The following NCOA4 variants were observed in gnomAD, a reference collection of about 807,000 sequenced individuals.
The protein encoded by NCOA4 is 70 kDa AR-activator.
NCOA4 carries 31 observed loss-of-function variants against 69.5 expected under a neutral mutation model. The ratio of observed to expected loss-of-function variants is 0.45; its 90% CI spans 0.34 to 0.60. The LOEUF (loss-of-function observed/expected upper bound fraction) is 0.60. Among genes scored for constraint, NCOA4 ranks in the 20% least tolerant of loss-of-function variants. The pLI is 0.02. For synonymous variants in NCOA4, 228 were observed against 252.4 expected (o/e 0.90, Z 0.92); for missense variants, 600 against 719.2 (o/e 0.83, Z 1.90).
intron 1 of NCOA4, chr10:46,022,609 C>G (rs1489829597): frequency 2.9e-6 from 1 of 339,756 alleles, no homozygotes; most frequent in Non-Finnish European, 6.1e-6. Flanking sequence ...TGACTACAGG[C>G]GCCCGCCGCC....
chr10:46,013,532 A>ATG lies in NCOA4; in HGVS notation c.570+17_570+18insCA, dbSNP rs781996501. ...GCCAAGTAATGACTCAATTACCAAA[A>ATG]ACAAAATGATATTTTACCTGCTCTG... is the stretch of plus-strand genomic sequence containing the variant. On this transcript the variant is annotated intron_variant, in intron 6 of 9. Transcript: ENST00000581486. The ATG allele has an allele frequency of 1.9e-6, 3 of 1,577,456 alleles. No homozygotes were observed. Among genetic ancestry groups the ATG allele is most frequent in the African/African-American group, 2.7e-5 (2 of 73,852 alleles).
chr10:46,006,440 G>T lies in NCOA4; in HGVS notation c.*152C>A. The T allele has an allele frequency of 3.8e-6, 3 of 796,522 alleles. No homozygotes were observed. The highest frequency in any genetic ancestry group is 1.4e-5 in the South Asian group (1 of 69,668). The allele number at this position is 796,522 out of a possible 1,614,324, so 49.3% of individuals were successfully genotyped here. A position where few individuals can be genotyped will look rare whatever the true frequency, so the allele number is the denominator to read the frequency against. On this transcript the variant is annotated 3_prime_UTR_variant, in exon 10 of 10. Transcript: ENST00000581486. ...TTTAAACAGTAACTCATAATCTGAT[G>T]ACTCACTTTGCTTTACTAGTTCAAA...
At position 46,010,460 on chromosome 10, in the gene NCOA4, T is replaced by G. The variant is rs781891135; in HGVS notation, c.1461A>C (p.Gln487His). 2 of 1,614,120 alleles carry G rather than the reference T, an allele frequency of 1.2e-6. No homozygotes were observed. The highest frequency in any genetic ancestry group is 1.7e-6 in the Non-Finnish European group (2 of 1,180,054). The part of the protein sequence containing the change: ...MTPSRIADSF[Q>H]VIKNSPLSEW... ...CCGACAAGGGGCTGTTCTTTATGACTTGGAAGGAATCAGCAATTCTAGAAG... is the reference window on the plus strand; with the variant it reads ...CCGACAAGGGGCTGTTCTTTATGACGTGGAAGGAATCAGCAATTCTAGAAG... Residue 487 changes from glutamine to histidine, a missense_variant, in exon 8 of 10, where the codon CAA becomes CAC. Physicochemically the swap from Gln to His is conservative, Grantham distance 24. Coordinates refer to ENST00000581486, the MANE Select transcript of NCOA4 (RefSeq NM_001145263.2).
At chr10:46,022,904 CACAA>C (rs1359431961) in intron 1 of NCOA4, among the ~76,000 whole-genome samples, 3 of 152,160 alleles carry the variant, frequency 2.0e-5, no homozygotes, top group African/African-American at 7.2e-5. Context: ...TTTAAAACCA[CACAA>C]ACAAACGTTA....
intron 9 of NCOA4, among the ~76,000 whole-genome samples, chr10:46,007,917 C>T (rs1838945104): frequency 6.6e-6 from 1 of 152,134 alleles, no homozygotes; most frequent in South Asian, 2.1e-4. Flanking sequence ...GCCAGTGCTT[C>T]AATCCTAGAG....
chr10:46,009,664 A>C, intron 8 of NCOA4, 113 bp from the exon 9 acceptor site: 1 of 973,238 alleles, frequency 1.0e-6, no homozygotes, highest in South Asian at 1.8e-5. Flanking sequence ...ATTCTCTGTA[A>C]CAACCAAAAA....
Position 46,005,351 on chromosome 10 carries a change from G to C in NCOA4, c.*1241C>G, listed in dbSNP as rs1708103140. On this transcript the variant is annotated 3_prime_UTR_variant, in exon 10 of 10. Transcript: ENST00000581486. ...AAATAATACAAAGCTCTTTTCAGCTGTGGTTCAAAGAACTCTAGTGAAGCT... is the reference window on the plus strand; with the variant it reads ...AAATAATACAAAGCTCTTTTCAGCTCTGGTTCAAAGAACTCTAGTGAAGCT... The C allele has an allele frequency of 4.7e-6, 1 of 212,888 alleles. No homozygotes were observed. The highest frequency in any genetic ancestry group is 9.5e-6 in the Non-Finnish European group (1 of 105,116). The allele number at this position is 212,888 out of a possible 1,614,324, so 13.2% of individuals were successfully genotyped here. A position where few individuals can be genotyped will look rare whatever the true frequency, so the allele number is the denominator to read the frequency against.
At chr10:46,021,551 A>G (rs1415006251) in intron 1 of NCOA4, among the ~76,000 whole-genome samples, 2 of 152,258 alleles carry the variant, frequency 1.3e-5, no homozygotes, top group African/African-American at 4.8e-5. Flanking sequence ...TAAAATTAAC[A>G]TTCCAATGGA....
In NCOA4 at chr10:46,005,697, C is replaced by T. The variant is rs190445657; in HGVS notation, c.*895G>A. The T allele has an allele frequency of 1.6e-4, 34 of 217,320 alleles. No homozygotes were observed. Among genetic ancestry groups the T allele is most frequent in the Admixed American group, 4.1e-4 (7 of 17,228 alleles). 13.5% of individuals were successfully genotyped at this position (217,320 alleles called of 1,614,324 possible). ...CAGTGAGAGGATGACTTTATCCCTACTTAAAAGCACCAGGTGTCAAGCTCA... is the reference window on the plus strand; with the variant it reads ...CAGTGAGAGGATGACTTTATCCCTATTTAAAAGCACCAGGTGTCAAGCTCA... On this transcript the variant is annotated 3_prime_UTR_variant, in exon 10 of 10. Transcript: ENST00000581486.
chr10:46,012,955 A>C lies in NCOA4; in HGVS notation c.642T>G (p.Tyr214Ter), dbSNP rs1554922071. The C allele has an allele frequency of 6.2e-7, 1 of 1,614,118 alleles. No individual in the cohort carries two copies. The highest frequency in any genetic ancestry group is 8.5e-7 in the Non-Finnish European group (1 of 1,180,042). Reference sequence around the variant, plus strand: ...CGGTGCTGGGTATGTAAGGAGCTTGATAACCACTGGCAGGTTTGCTTCCAA... The same window carrying C: ...CGGTGCTGGGTATGTAAGGAGCTTGCTAACCACTGGCAGGTTTGCTTCCAA... Reference protein sequence around the residue: ...WLLGSKPASGYQAPYIPSTDP... With the variant: ...WLLGSKPASG The change falls in exon 7 of 10, where the codon TAT becomes TAG. Residue 214 changes from tyrosine (Y) to a stop codon, truncating the protein, a stop_gained. Transcript: ENST00000581486. LOFTEE classifies it high-confidence loss of function.
intron 1 of NCOA4, among the ~76,000 whole-genome samples, chr10:46,029,189 G>A (rs547921350): frequency 6.6e-6 from 1 of 152,124 alleles, no homozygotes; most frequent in Non-Finnish European, 1.5e-5. Flanking sequence ...TAATTGTAGA[G>A]ATTTATTTAG....
chr10:46,010,823 C>A lies in NCOA4; in HGVS notation c.1098G>T (p.Leu366=). 1.4e-5 allele frequency: 22 copies of A among 1,613,982 alleles called. No individual in the cohort carries two copies. The highest frequency in any genetic ancestry group is 1.9e-5 in the Non-Finnish European group (22 of 1,179,872). Residue 366 remains leucine (L), a synonymous_variant, in exon 8 of 10, where the codon CTG becomes CTT. Transcript: ENST00000581486. ...CCTCCAAGTGGTCATTCAGGCACTTCAGATTGCCCAGGTTTTCAATCTCCA... is the reference window on the plus strand; with the variant it reads ...CCTCCAAGTGGTCATTCAGGCACTTAAGATTGCCCAGGTTTTCAATCTCCA... ...KGVEIENLGN[L]KCLNDHLEAK...
chr10:46,012,193 T>C (rs1353070169), intron 7 of NCOA4, among the ~76,000 whole-genome samples: 1 of 135,932 alleles, frequency 7.4e-6, no homozygotes. Flanking sequence ...GCAAAAAACC[T>C]AAATGACTAT....
At chr10:46,023,131 C>G (rs1839980930) in intron 1 of NCOA4, among the ~76,000 whole-genome samples, 1 of 152,336 alleles carries the variant, frequency 6.6e-6, no homozygotes, top group African/African-American at 2.4e-5. Flanking sequence ...AATACGAAAG[C>G]AACAGTGACT....
chr10:46,015,116 G>GGAC lies in NCOA4; in HGVS notation c.282+9_282+10insGTC. Reference sequence around the variant, plus strand: ...TGCTCAAACCAATTCTAGCCATGCAGTCACCTTACCGAGTAGAGCTGCTGA... The same window carrying GGAC: ...TGCTCAAACCAATTCTAGCCATGCAGGACTCACCTTACCGAGTAGAGCTGCTGA... On this transcript the variant is annotated intron_variant, in intron 3 of 9. Coordinates refer to ENST00000581486, the MANE Select transcript of NCOA4 (RefSeq NM_001145263.2). The GGAC allele has an allele frequency of 6.2e-7, 1 of 1,614,220 alleles. No homozygotes were observed. Among genetic ancestry groups the GGAC allele is most frequent in the Non-Finnish European group, 8.5e-7 (1 of 1,180,042 alleles).
At chr10:46,028,722 T>C (rs1840289818) in intron 1 of NCOA4, among the ~76,000 whole-genome samples, 1 of 151,994 alleles carries the variant, frequency 6.6e-6, no homozygotes, top group African/African-American at 2.4e-5. Flanking sequence ...ATTTATTGAG[T>C]ACCTAAACTG....
chr10:46,015,284 G>A lies in NCOA4; in HGVS notation c.142-18C>T. ...GCTTTGACCTAGGAAACACATACAT[G>A]TTAGCTTCCTAGTGTTAATCCCAAA... is the stretch of plus-strand genomic sequence containing the variant. On this transcript the variant is annotated intron_variant, in intron 2 of 9. Coordinates refer to ENST00000581486, the MANE Select transcript of NCOA4 (RefSeq NM_001145263.2). 1 of 1,411,266 alleles carries A rather than the reference G, an allele frequency of 7.1e-7. No individual in the cohort carries two copies. The highest frequency in any genetic ancestry group is 1.6e-5 in the African/African-American group (1 of 63,856). 87.4% of individuals were successfully genotyped at this position (1,411,266 alleles called of 1,614,324 possible). A position where few individuals can be genotyped will look rare whatever the true frequency, so the allele number is the denominator to read the frequency against.
In NCOA4 at chr10:46,005,561, G is replaced by A. The variant is rs1554919357; in HGVS notation, c.*1031C>T. ...ATGGACGTAACTTTAAGGAGACTGAGAAAACATCAGTAGTTTTCACAAAGC... is the reference window on the plus strand; with the variant it reads ...ATGGACGTAACTTTAAGGAGACTGAAAAAACATCAGTAGTTTTCACAAAGC... On this transcript the variant is annotated 3_prime_UTR_variant, in exon 10 of 10. Coordinates refer to ENST00000581486, the MANE Select transcript of NCOA4 (RefSeq NM_001145263.2). 1 of 220,916 alleles carries A rather than the reference G, an allele frequency of 4.5e-6. No homozygotes were observed. The highest frequency in any genetic ancestry group is 2.2e-5 in the African/African-American group (1 of 44,622). The allele number at this position is 220,916 out of a possible 1,614,324, so 13.7% of individuals were successfully genotyped here.
At chr10:46,027,604 T>TA (rs1303950791) in intron 1 of NCOA4, 9 of 838,366 alleles carry the variant, frequency 1.1e-5, no homozygotes, top group Non-Finnish European at 1.3e-5. Context: ...AGAAGAGTAA[T>TA]AAAAAATGCC....
Sources: allele counts gnomAD v4.1 joint callset (sites outside exome capture counted in the v4.1 genomes callset), GRCh38; gene constraint gnomAD v4.1.1; transcripts MANE v1.5; gene names NCBI Gene and HGNC (gene_info 2026-07-23, HGNC 2026-07-21).